Variants in BLNK observed in about 807,000 individuals in gnomAD.
BLNK encodes the protein B-cell linker protein.
In BLNK, 29 loss-of-function variants were observed where a neutral mutation model predicts 73.5. The ratio of observed to expected loss-of-function variants is 0.39; its 90% CI spans 0.29 to 0.54. BLNK has a LOEUF of 0.54. Ranked by LOEUF, BLNK falls within the 20% of genes least tolerant of loss-of-function variation. The pLI is 0.61. For synonymous variants in BLNK, 176 were observed against 200.8 expected, an observed-to-expected ratio of 0.88 and a Z score of 1.04; for missense variants, 460 against 562.8, an observed-to-expected ratio of 0.82 and a Z score of 1.85.
At chr10:96,204,209 A>G in intron 12 of BLNK, 121 bp from the exon 13 acceptor site, 1 of 1,077,838 alleles carries the variant, frequency 9.3e-7, no homozygotes, top group South Asian at 1.4e-5. Context: ...CAAATGGCCA[A>G]TAAAATGTAT....
chr10:96,271,090 C>T (rs1554915598), intron 1 of BLNK, among the ~76,000 whole-genome samples: 1 of 152,206 alleles, frequency 6.6e-6, no homozygotes, highest in African/African-American at 2.4e-5. Flanking sequence ...TATTATCTTT[C>T]CAGAGCTTTA....
In BLNK at chr10:96,199,666, T is replaced by C. The variant is rs587715831; in HGVS notation, c.1095+409A>G. Reference sequence around the variant, plus strand: ...ACTTGTTGCAATTATTTAATTAGCATATCATAAGGACGACAACTGTGTCTA... The same window carrying C: ...ACTTGTTGCAATTATTTAATTAGCACATCATAAGGACGACAACTGTGTCTA... On this transcript the variant is annotated intron_variant, in intron 15 of 16. Transcript: ENST00000224337. The C allele has an allele frequency of 5.9e-4, 226 of 386,016 alleles. 1 individual carries two copies. Among genetic ancestry groups the C allele is most frequent in the South Asian group, 4.3e-3 (220 of 51,240 alleles). The allele number at this position is 386,016 out of a possible 1,614,324, so 23.9% of individuals were successfully genotyped here. A position where few individuals can be genotyped will look rare whatever the true frequency, so the allele number is the denominator to read the frequency against.
chr10:96,214,923 G>A (rs1439803303), intron 8 of BLNK, among the ~76,000 whole-genome samples: 1 of 152,160 alleles, frequency 6.6e-6, no homozygotes, highest in Non-Finnish European at 1.5e-5. Context: ...ACAAGCCCAA[G>A]GTGGCATAGC....
At chr10:96,228,914 AT>A (rs587689061) in intron 4 of BLNK, among the ~76,000 whole-genome samples, 4 of 151,320 alleles carry the variant, frequency 2.6e-5, no homozygotes, top group African/African-American at 9.7e-5. Context: ...ATATAGCAGG[AT>A]TTTTTTTCCT....
chr10:96,202,325 G>C (rs1554896431), intron 13 of BLNK, among the ~76,000 whole-genome samples: 1 of 152,188 alleles, frequency 6.6e-6, no homozygotes, highest in East Asian at 1.9e-4. Context: ...GCAGAGTGGG[G>C]GAGGCCAGTT....
At chr10:96,246,900 G>C (rs1843065099) in intron 2 of BLNK, 84 bp downstream of exon 2, 1 of 1,024,930 alleles carries the variant, frequency 9.8e-7, no homozygotes, top group Non-Finnish European at 1.5e-6. Context: ...TTCTCATCCA[G>C]GTAACAGAGA....
At chr10:96,218,541 A>G (rs1180077765) in intron 6 of BLNK, among the ~76,000 whole-genome samples, 1 of 152,154 alleles carries the variant, frequency 6.6e-6, no homozygotes, top group Non-Finnish European at 1.5e-5. Flanking sequence ...AAAATATAGA[A>G]AAATTAGCCA....
chr10:96,230,285 G>A (rs2134042124), intron 4 of BLNK, among the ~76,000 whole-genome samples: 2 of 152,228 alleles, frequency 1.3e-5, no homozygotes, highest in South Asian at 4.2e-4. Context: ...AAAGAGCCTG[G>A]TCCTGAGATC....
intron 5 of BLNK, 91 bp from the exon 6 acceptor site, chr10:96,224,080 A>G (rs961282567): frequency 2.1e-6 from 3 of 1,451,750 alleles, no homozygotes; most frequent in Non-Finnish European, 2.9e-6. Context: ...GTATAAAACC[A>G]CGGGTGTCTA....
intron 1 of BLNK, among the ~76,000 whole-genome samples, chr10:96,254,970 C>A (rs1554910652): frequency 6.6e-6 from 1 of 152,186 alleles, no homozygotes; most frequent in East Asian, 1.9e-4. Flanking sequence ...GACACCCAGG[C>A]CTTGCCCCCG....
At chr10:96,255,745 A>G (rs72811042) in intron 1 of BLNK, among the ~76,000 whole-genome samples, 3,142 of 152,234 alleles carry the variant, frequency 0.021, 54 homozygotes, top group Middle Eastern at 0.041. Flanking sequence ...CTAAGCCTAC[A>G]CTTTCCCCTT....
rs1473995561 is a variant in BLNK, at chr10:96,191,378, T to C, written c.*595A>G. Among the ~76,000 whole-genome samples, 1 of 152,096 alleles carries C rather than the reference T, an allele frequency of 6.6e-6. No individual in the cohort carries two copies. Among genetic ancestry groups the C allele is most frequent in the Non-Finnish European group, 1.5e-5 (1 of 68,010 alleles). On this transcript the variant is annotated 3_prime_UTR_variant, in exon 17 of 17. Transcript: ENST00000224337. ...AGATCAAAGAGGGTATAATTATCTT[T>C]AGTAAGCAAAACTAACAGCATAATC...
rs11188666 is a variant in BLNK, at chr10:96,223,524, G to A, written c.525+302C>T. On this transcript the variant is annotated intron_variant, in intron 6 of 16. Coordinates refer to ENST00000224337, the MANE Select transcript of BLNK (RefSeq NM_013314.4). ...AGAGAAGCAAAGGAGAATAAAGAGA[G>A]AGGAAGAACATCTTAGGAAGGAAAG... Among the ~76,000 whole-genome samples, 18,964 of 152,178 alleles carry A rather than the reference G, an allele frequency of 0.12. 1,678 individuals carry two copies. Among genetic ancestry groups the A allele is most frequent in the East Asian group, 0.45 (2,301 of 5,170 alleles).
Position 96,190,182 on chromosome 10 carries a change from C to T in BLNK, c.*1791G>A. 1.2e-6 allele frequency: 1 copy of T among 800,186 alleles called. No homozygotes were observed. Among genetic ancestry groups the T allele is most frequent in the Non-Finnish European group, 2.2e-6 (1 of 454,776 alleles). The allele number at this position is 800,186 out of a possible 1,614,324, so 49.6% of individuals were successfully genotyped here. On this transcript the variant is annotated 3_prime_UTR_variant, in exon 17 of 17. Coordinates refer to ENST00000224337, the MANE Select transcript of BLNK (RefSeq NM_013314.4). ...CACAACTGAAAAGATAGTTCTGGGCCTCAGGGGGCTCACGTCCATGTCCAT... is the reference window on the plus strand; with the variant it reads ...CACAACTGAAAAGATAGTTCTGGGCTTCAGGGGGCTCACGTCCATGTCCAT...
intron 13 of BLNK, among the ~76,000 whole-genome samples, chr10:96,202,049 G>C (rs1394594652): frequency 2.6e-5 from 4 of 152,144 alleles, no homozygotes; most frequent in Non-Finnish European, 5.9e-5. Context: ...GTGAAGGCAA[G>C]GCCTGGCATA....
intron 6 of BLNK, among the ~76,000 whole-genome samples, chr10:96,217,252 T>C (rs1554900093): frequency 6.6e-6 from 1 of 152,244 alleles, no homozygotes; most frequent in African/African-American, 2.4e-5. Context: ...ACTTTTTGGC[T>C]GTAATGAATA....
At chr10:96,204,163 GA>G in intron 12 of BLNK, 75 bp from the exon 13 acceptor site, 1 of 1,477,238 alleles carries the variant, frequency 6.8e-7, no homozygotes, top group Non-Finnish European at 9.5e-7. Flanking sequence ...TTACACTGAT[GA>G]TGCTGTGAAC....
intron 2 of BLNK, among the ~76,000 whole-genome samples, chr10:96,246,494 G>A (rs1031947382): frequency 6.6e-6 from 1 of 152,376 alleles, no homozygotes; most frequent in Non-Finnish European, 1.5e-5. Flanking sequence ...AGAGGTTGCG[G>A]TGAGCTGATA....
chr10:96,258,233 G>A (rs1049755238), intron 1 of BLNK, among the ~76,000 whole-genome samples: 2 of 152,142 alleles, frequency 1.3e-5, no homozygotes, highest in African/African-American at 4.8e-5. Flanking sequence ...GCAGAGTTTT[G>A]ACAGCTTTGG....
Sources: allele counts gnomAD v4.1 joint callset (sites outside exome capture counted in the v4.1 genomes callset), GRCh38; gene constraint gnomAD v4.1.1; transcripts MANE v1.5; gene names NCBI Gene and HGNC (gene_info 2026-07-23, HGNC 2026-07-21).